The following HS6ST3 variants were observed in gnomAD, a reference collection of about 807,000 sequenced individuals.
HS6ST3 encodes the protein heparan sulfate 6-O-sulfotransferase 3.
Under a neutral mutation model 36.7 loss-of-function variants are expected in HS6ST3, and 12 were observed. That is an observed-to-expected ratio of 0.33 (90% CI 0.21 to 0.53). The LOEUF (loss-of-function observed/expected upper bound fraction) is 0.53. Ranked by LOEUF, HS6ST3 falls within the 20% of genes least tolerant of loss-of-function variation. HS6ST3 has a pLI of 0.95. For missense variants in HS6ST3, 584 were observed against 640.9 expected (o/e 0.91, Z 0.96); for synonymous variants, 240 against 257.5 (o/e 0.93, Z 0.65).
At chr13:96,397,674 CACAA>C (rs999645791) in intron 1 of HS6ST3, among the ~76,000 whole-genome samples, 25 of 152,084 alleles carry the variant, frequency 1.6e-4, no homozygotes, top group Non-Finnish European at 2.9e-4. Context: ...CAGAAAAAAA[CACAA>C]ACAAACAAAA....
intron 1 of HS6ST3, among the ~76,000 whole-genome samples, chr13:96,224,730 A>G (rs909118289): frequency 6.6e-6 from 1 of 152,354 alleles, no homozygotes. Flanking sequence ...CAGAGTTAGA[A>G]TTAGGCAGTG....
intron 1 of HS6ST3, among the ~76,000 whole-genome samples, chr13:96,274,742 C>T (rs7329346): frequency 0.34 from 50,872 of 151,492 alleles, 8,958 homozygotes; most frequent in Non-Finnish European, 0.39. Flanking sequence ...ATCAACCAAG[C>T]GAAGCTGTGG....
chr13:96,109,240 A>G (rs1043768627), intron 1 of HS6ST3, among the ~76,000 whole-genome samples: 26 of 152,276 alleles, frequency 1.7e-4, no homozygotes, highest in African/African-American at 5.3e-4. Flanking sequence ...ATGACCTCAC[A>G]GAGAATAGAG....
intron 1 of HS6ST3, among the ~76,000 whole-genome samples, chr13:96,446,428 A>G (rs538830669): frequency 1.3e-5 from 2 of 152,262 alleles, no homozygotes; most frequent in African/African-American, 2.4e-5. Context: ...GCTCTTAACG[A>G]AGAAAGAACT....
At chr13:96,541,898 A>G (rs532412050) in intron 1 of HS6ST3, among the ~76,000 whole-genome samples, 62 of 152,328 alleles carry the variant, frequency 4.1e-4, no homozygotes, top group Admixed American at 1.4e-3. Context: ...CAGTTCCACA[A>G]TTTACCAGTT....
intron 1 of HS6ST3, among the ~76,000 whole-genome samples, chr13:96,303,461 A>G (rs558269304): frequency 1.6e-4 from 24 of 152,316 alleles, no homozygotes; most frequent in Non-Finnish European, 2.6e-4. Flanking sequence ...CTGCTTTCCA[A>G]CTGAAAGTGA....
intron 1 of HS6ST3, among the ~76,000 whole-genome samples, chr13:96,704,267 A>G (rs1875362773): frequency 1.3e-5 from 2 of 152,170 alleles, no homozygotes; most frequent in Non-Finnish European, 2.9e-5. Context: ...TGATATTCCT[A>G]TAGTGTCTGT....
chr13:96,306,111 T>TC (rs1025923497), intron 1 of HS6ST3, among the ~76,000 whole-genome samples: 6 of 145,388 alleles, frequency 4.1e-5, no homozygotes, highest in East Asian at 1.9e-4. Context: ...TTTTTCTTTT[T>TC]TTTTTTTTTT....
intron 1 of HS6ST3, among the ~76,000 whole-genome samples, chr13:96,439,605 C>T (rs2055660158): frequency 6.6e-6 from 1 of 152,180 alleles, no homozygotes; most frequent in South Asian, 2.1e-4. Flanking sequence ...CTACCTGTGC[C>T]TCAGTTTCCT....
intron 1 of HS6ST3, among the ~76,000 whole-genome samples, chr13:96,597,506 G>A (rs886122734): frequency 9.2e-5 from 14 of 151,740 alleles, no homozygotes; most frequent in East Asian, 1.9e-4. Flanking sequence ...ATGTCTGTTC[G>A]TGTTATTTCC....
intron 1 of HS6ST3, among the ~76,000 whole-genome samples, chr13:96,200,623 A>C (rs1425912547): frequency 1.3e-5 from 2 of 152,038 alleles, no homozygotes; most frequent in Non-Finnish European, 2.9e-5. Flanking sequence ...TTATAACTAT[A>C]TTATTTTTTC....
In HS6ST3 at chr13:96,625,741, T is replaced by G. The variant is rs569779917; in HGVS notation, c.708-206749T>G. Among the ~76,000 whole-genome samples the G allele has an allele frequency of 8.5e-5, 13 of 152,222 alleles. No individual in the cohort carries two copies. In the East Asian group the frequency reaches 2.3e-3, roughly 27 times the overall value. ...TTAAATATTTATATATTGTGGGTTC[T>G]AATTTTTGGCACATATATGAGTTGC... is the stretch of plus-strand genomic sequence containing the variant. On this transcript the variant is annotated intron_variant, in intron 1 of 1. Transcript: ENST00000376705.
At chr13:96,437,337 T>TC (rs1477816676) in intron 1 of HS6ST3, among the ~76,000 whole-genome samples, 11 of 152,256 alleles carry the variant, frequency 7.2e-5, no homozygotes, top group Non-Finnish European at 1.5e-4. Flanking sequence ...ATGATACTAA[T>TC]TGCTGAGTAT....
chr13:96,098,989 A>G (rs370136264), intron 1 of HS6ST3, among the ~76,000 whole-genome samples: 10 of 152,190 alleles, frequency 6.6e-5, no homozygotes, highest in South Asian at 2.1e-4. Context: ...TGTCACCCAA[A>G]CTGGAGTGCA....
intron 1 of HS6ST3, among the ~76,000 whole-genome samples, chr13:96,433,358 A>G (rs917210255): frequency 6.6e-6 from 1 of 152,154 alleles, no homozygotes; most frequent in African/African-American, 2.4e-5. Flanking sequence ...CTGTGTCCCC[A>G]CCCAAATCTC....
intron 1 of HS6ST3, among the ~76,000 whole-genome samples, chr13:96,243,551 A>G (rs905010491): frequency 2.0e-5 from 3 of 152,180 alleles, no homozygotes; most frequent in Admixed American, 6.5e-5. Context: ...AAGTTGTCAG[A>G]GTTGTAAATA....
chr13:96,264,837 T>A (rs1402054106), intron 1 of HS6ST3, among the ~76,000 whole-genome samples: 1 of 152,188 alleles, frequency 6.6e-6, no homozygotes, highest in Non-Finnish European at 1.5e-5. Flanking sequence ...TGTTATAAGT[T>A]GACATTTCAA....
chr13:96,614,487 A>C (rs942154314), intron 1 of HS6ST3, among the ~76,000 whole-genome samples: 4 of 151,966 alleles, frequency 2.6e-5, no homozygotes, highest in African/African-American at 9.7e-5. Flanking sequence ...AAATAGGGCC[A>C]AGGGTGTTGG....
chr13:96,275,777 A>C (rs1927788), intron 1 of HS6ST3, among the ~76,000 whole-genome samples: 84,156 of 151,736 alleles, frequency 0.55, 24,126 homozygotes, highest in African/African-American at 0.7. Context: ...AGGTGACAAT[A>C]AAGACTTTTC....
Sources: gnomAD v4.1 joint callset for allele counts (sites outside exome capture counted in the v4.1 genomes callset) on GRCh38, gnomAD v4.1.1 for gene constraint, MANE v1.5 for transcripts, NCBI Gene and HGNC (gene_info 2026-07-23, HGNC 2026-07-21) for gene names.